Variants in WASF1 observed in about 807,000 individuals in gnomAD.
WASF1 encodes the protein actin-binding protein WASF1.
Under a neutral mutation model 50.5 loss-of-function variants are expected in WASF1, and 7 were observed. That is an observed-to-expected ratio of 0.14 (90% CI 0.08 to 0.26). WASF1 has a LOEUF of 0.26. Among genes scored for constraint, WASF1 ranks in the 10% least tolerant of loss-of-function variants. The pLI, the probability that WASF1 is intolerant of heterozygous loss-of-function variation, is 1.00. For missense variants in WASF1, 470 were observed against 694.7 expected, an observed-to-expected ratio of 0.68 and a Z score of 3.64; for synonymous variants, 205 against 244.0, an observed-to-expected ratio of 0.84 and a Z score of 1.49.
At chr6:110,150,881 C>T (rs1775792831) in intron 3 of WASF1, among the ~76,000 whole-genome samples, 2 of 151,760 alleles carry the variant, frequency 1.3e-5, no homozygotes, top group South Asian at 4.2e-4. Flanking sequence ...ACTAAAAATA[C>T]AAAAAATTAG....
intron 2 of WASF1, among the ~76,000 whole-genome samples, chr6:110,162,068 A>C (rs1776281223): frequency 6.6e-6 from 1 of 151,568 alleles, no homozygotes; most frequent in Non-Finnish European, 1.5e-5. Flanking sequence ...TCTGAAGTAC[A>C]AACTGGGCAC....
At position 110,154,464 on chromosome 6, in the gene WASF1, C is replaced by T. The variant is rs116791182; in HGVS notation, c.-29+6171G>A. Among the ~76,000 whole-genome samples, 413 of 151,774 alleles carry T rather than the reference C, an allele frequency of 2.7e-3. 1 individual carries two copies. Among genetic ancestry groups the T allele is most frequent in the African/African-American group, 9.6e-3 (397 of 41,432 alleles). On this transcript the variant is annotated intron_variant, in intron 3 of 10. Transcript: ENST00000392589. Reference sequence around the variant, plus strand: ...ATGGTTTGAGCCAGGACAGTAATTGCGTATTATAAAAAAGTACCTTAAGAG... The same window carrying T: ...ATGGTTTGAGCCAGGACAGTAATTGTGTATTATAAAAAAGTACCTTAAGAG...
chr6:110,118,245 A>G (rs1773901096), intron 4 of WASF1, among the ~76,000 whole-genome samples: 1 of 149,920 alleles, frequency 6.7e-6, no homozygotes, highest in South Asian at 2.1e-4. Context: ...AAGACCCATC[A>G]GTGTGCTGTA....
At chr6:110,174,868 A>G (rs1453957812) in intron 2 of WASF1, among the ~76,000 whole-genome samples, 1 of 152,162 alleles carries the variant, frequency 6.6e-6, no homozygotes, top group African/African-American at 2.4e-5. Context: ...TCCACATGGA[A>G]CAGAATGACT....
chr6:110,109,448 C>A (rs1773461910), intron 5 of WASF1, among the ~76,000 whole-genome samples: 2 of 152,018 alleles, frequency 1.3e-5, no homozygotes, highest in African/African-American at 4.8e-5. Context: ...CACTGATATC[C>A]CGATATTAAA....
At chr6:110,134,967 T>C (rs749842483) in intron 3 of WASF1, among the ~76,000 whole-genome samples, 11 of 152,198 alleles carry the variant, frequency 7.2e-5, no homozygotes, top group Admixed American at 1.3e-4. Context: ...AGTATGGTCA[T>C]TTTCACAATA....
chr6:110,178,493 T>C (rs985272886), intron 2 of WASF1, 105 bp downstream of exon 2: 1 of 152,526 alleles, frequency 6.6e-6, no homozygotes, highest in East Asian at 1.9e-4. Context: ...AAAAAAGACC[T>C]TAGCTAATCG....
Position 110,113,557 on chromosome 6 carries a change from C to A in WASF1, c.134-97G>T, listed in dbSNP as rs1021217388. 7.1e-6 allele frequency: 8 copies of A among 1,125,162 alleles called. No individual in the cohort carries two copies. In the Middle Eastern group the frequency reaches 8.1e-4, roughly 113 times the overall value. The allele number at this position is 1,125,162 out of a possible 1,614,324, so 69.7% of individuals were successfully genotyped here. The stretch of plus-strand genomic sequence containing the variant: ...AGAAATCTAGCATGATATTTGCCCT[C>A]AGATACTTTGTGATCAGAGATAAAT... On this transcript the variant is annotated intron_variant, in intron 4 of 10. Coordinates refer to ENST00000392589, the MANE Select transcript of WASF1 (RefSeq NM_003931.3).
In WASF1 at chr6:110,129,879, G is replaced by A. The variant is rs140497752; in HGVS notation, c.-28-2250C>T. Reference sequence around the variant, plus strand: ...TGACAAAAATTTTTAAAGAGCGTACGTTAAAATACTGTAATTTTCCCCATT... The same window carrying A: ...TGACAAAAATTTTTAAAGAGCGTACATTAAAATACTGTAATTTTCCCCATT... On this transcript the variant is annotated intron_variant, in intron 3 of 10. Transcript: ENST00000392589. Among the ~76,000 whole-genome samples, 9 of 152,224 alleles carry A rather than the reference G, an allele frequency of 5.9e-5. No homozygotes were observed. In the East Asian group the frequency reaches 1.7e-3, roughly 29 times the overall value.
At chr6:110,107,325 A>C (rs1180017207) in intron 6 of WASF1, 131 bp from the exon 7 acceptor site, 2 of 577,822 alleles carry the variant, frequency 3.5e-6, no homozygotes, top group East Asian at 6.4e-5. Flanking sequence ...CCAAAATAAA[A>C]CTGAATATTG....
intron 3 of WASF1, among the ~76,000 whole-genome samples, chr6:110,129,813 C>T (rs143984091): frequency 6.6e-6 from 1 of 152,206 alleles, no homozygotes; most frequent in Admixed American, 6.5e-5. Context: ...TCTAAATTTC[C>T]CTATACATTT....
chr6:110,107,004 A>T, intron 7 of WASF1, 73 bp downstream of exon 7: 1 of 1,048,786 alleles, frequency 9.5e-7, no homozygotes, highest in Non-Finnish European at 1.4e-6. Context: ...ATACAAGATT[A>T]ATGAAGTTCA....
intron 3 of WASF1, among the ~76,000 whole-genome samples, chr6:110,129,223 G>A (rs529387226): frequency 6.6e-6 from 1 of 152,114 alleles, no homozygotes; most frequent in African/African-American, 2.4e-5. Flanking sequence ...TTGCCTCCCA[G>A]TGCTAAGTCT....
intron 3 of WASF1, among the ~76,000 whole-genome samples, chr6:110,148,234 T>C (rs1346291265): frequency 6.6e-6 from 1 of 152,012 alleles, no homozygotes; most frequent in Non-Finnish European, 1.5e-5. Context: ...CACACTGCCA[T>C]CCATTCATTC....
chr6:110,116,581 A>G (rs77546004), intron 4 of WASF1, among the ~76,000 whole-genome samples: 3,141 of 152,060 alleles, frequency 0.021, 47 homozygotes, highest in Non-Finnish European at 0.033. Context: ...TATAAATTCC[A>G]CCTCTTGGGG....
intron 4 of WASF1, among the ~76,000 whole-genome samples, chr6:110,119,197 G>A (rs1164067735): frequency 2.0e-5 from 3 of 152,118 alleles, no homozygotes; most frequent in Non-Finnish European, 4.4e-5. Context: ...TAAGATCAGA[G>A]CAGAACTGAA....
At chr6:110,166,114 C>A (rs1337730857) in intron 2 of WASF1, among the ~76,000 whole-genome samples, 1 of 151,264 alleles carries the variant, frequency 6.6e-6, no homozygotes, top group Admixed American at 6.6e-5. Flanking sequence ...ATACGATAAG[C>A]CATTTATTCT....
chr6:110,127,521 T>C lies in WASF1; in HGVS notation c.81A>G (p.Glu27=), dbSNP rs765400952. 2 of 1,604,334 alleles carry C rather than the reference T, an allele frequency of 1.2e-6. No homozygotes were observed. Among genetic ancestry groups the C allele is most frequent in the Non-Finnish European group, 1.7e-6 (2 of 1,175,762 alleles). Residue 27 remains glutamate, a synonymous_variant, in exon 4 of 11, where the codon GAA becomes GAG. Transcript: ENST00000392589. ...ALPRGIKNEL[E]CVTNISLANI... ...TTGCCAAGGAAATATTGGTTACACA[T>C]TCCAGTTCATTCTTAATGCCTCTAG...
chr6:110,113,204 G>A, intron 5 of WASF1, 122 bp downstream of exon 5: 1 of 856,544 alleles, frequency 1.2e-6, no homozygotes, highest in Non-Finnish European at 1.6e-6. Context: ...ATTACAATAT[G>A]TACACCAAAG....
Sources: gnomAD v4.1 joint callset for allele counts (sites outside exome capture counted in the v4.1 genomes callset) on GRCh38, gnomAD v4.1.1 for gene constraint, MANE v1.5 for transcripts, NCBI Gene and HGNC (gene_info 2026-07-23, HGNC 2026-07-21) for gene names.